Variants in TNS4 observed in about 807,000 individuals in gnomAD.
The protein encoded by TNS4 is tensin-4.
A neutral mutation model predicts 70.4 loss-of-function variants in TNS4; 46 were observed. The observed-to-expected ratio is 0.65, with a 90% CI of 0.52 to 0.84. TNS4 has a LOEUF of 0.84. Ranked by LOEUF, TNS4 falls within the 40% of genes least tolerant of loss-of-function variation. The probability of loss-of-function intolerance (pLI) is 0.00; values close to 1 mark genes in which losing one functional copy is unlikely to be tolerated. For missense variants in TNS4, 863 were observed against 907.0 expected (o/e 0.95, Z 0.62); for synonymous variants, 390 against 366.6 (o/e 1.06, Z -0.73).
chr17:40,495,400 G>A (rs903912044), intron 2 of TNS4, among the ~76,000 whole-genome samples: 3 of 152,130 alleles, frequency 2.0e-5, no homozygotes, highest in Non-Finnish European at 4.4e-5. Flanking sequence ...CTGTGGAAAT[G>A]GGCAGAAGCT....
intron 3 of TNS4, among the ~76,000 whole-genome samples, chr17:40,487,884 G>C (rs1046469770): frequency 5.3e-5 from 8 of 152,216 alleles, no homozygotes; most frequent in Non-Finnish European, 2.9e-5. Flanking sequence ...CCAGCTGCAG[G>C]AGAAGGCCAG....
At chr17:40,477,998 A>C in intron 12 of TNS4, 1 of 598,180 alleles carries the variant, frequency 1.7e-6, no homozygotes, top group Non-Finnish European at 2.9e-6. Context: ...TCCCCATTAG[A>C]GTGGAAGCTC....
chr17:40,478,748 C>T, intron 10 of TNS4, 100 bp from the exon 11 acceptor site: 2 of 1,364,282 alleles, frequency 1.5e-6, no homozygotes, highest in Non-Finnish European at 2.1e-6. Context: ...GTGCCCTGTC[C>T]TCCAAGAAGT....
intron 2 of TNS4, among the ~76,000 whole-genome samples, chr17:40,490,151 C>T (rs889148958): frequency 2.6e-5 from 4 of 152,112 alleles, no homozygotes; most frequent in African/African-American, 9.7e-5. Context: ...AGCTATGGAT[C>T]TCCTGGGGAT....
At position 40,478,592 on chromosome 17, in the gene TNS4, G is replaced by GAAC. The variant is rs1309975088; in HGVS notation, c.1966_1967insGTT (p.Pro656delinsArgSer). On this transcript the variant is annotated protein_altering_variant, in exon 11 of 13. Transcript: ENST00000254051. ...GCCTTGAACTTACTTCCGTTGCTCA[G>GAAC]GGTCCATACCACAGAAGCGGAGGGT... 3.1e-6 allele frequency: 5 copies of GAAC among 1,614,060 alleles called. No individual in the cohort carries two copies. The highest frequency in any genetic ancestry group is 4.2e-6 in the Non-Finnish European group (5 of 1,180,016).
chr17:40,493,596 A>AT (rs531062444), intron 2 of TNS4, among the ~76,000 whole-genome samples: 65 of 152,028 alleles, frequency 4.3e-4, no homozygotes, highest in South Asian at 3.5e-3. Flanking sequence ...AGAGGAAGAG[A>AT]TTTTTTTTCT....
Position 40,496,090 on chromosome 17 carries a change from C to T in TNS4, c.336G>A (p.Leu112=), listed in dbSNP as rs148092150. ...GGGGAAGCAGCTGGAAGGTGGGGTC[C>T]AGTTCCAGGATCATCTGATTGAGGC... is the stretch of plus-strand genomic sequence containing the variant. ...LESLNQMILE[L]DPTFQLLPPG... The change falls in exon 2 of 13, where the codon CTG becomes CTA. Residue 112 remains leucine, a synonymous_variant. Transcript: ENST00000254051. 73 of 1,612,598 alleles carry T rather than the reference C, an allele frequency of 4.5e-5. No homozygotes were observed. Among genetic ancestry groups the T allele is most frequent in the Non-Finnish European group, 2.2e-5 (26 of 1,179,490 alleles).
At chr17:40,485,125 A>T in intron 4 of TNS4, 118 bp from the exon 5 acceptor site, 1 of 794,684 alleles carries the variant, frequency 1.3e-6, no homozygotes, top group Non-Finnish European at 2.0e-6. Flanking sequence ...TCATTCAACC[A>T]CCATCCCAGA....
At chr17:40,500,588 T>C (rs748658098) in intron 1 of TNS4, among the ~76,000 whole-genome samples, 7 of 152,146 alleles carry the variant, frequency 4.6e-5, no homozygotes, top group Non-Finnish European at 1.0e-4. Flanking sequence ...TCCCAAGGAC[T>C]CTGGGGAGTC....
At chr17:40,495,481 T>C (rs2036130125) in intron 2 of TNS4, among the ~76,000 whole-genome samples, 1 of 152,164 alleles carries the variant, frequency 6.6e-6, no homozygotes, top group Admixed American at 6.5e-5. Flanking sequence ...ATACCACTGC[T>C]TGAACACTAC....
At chr17:40,480,607 C>A (rs1447084249) in intron 9 of TNS4, 93 bp downstream of exon 9, 1 of 1,218,316 alleles carries the variant, frequency 8.2e-7, no homozygotes, top group Non-Finnish European at 1.1e-6. Context: ...TGTGCCTGTG[C>A]GTGTGTGCGT....
chr17:40,498,453 C>G (rs1402159650), intron 1 of TNS4, among the ~76,000 whole-genome samples: 4 of 152,206 alleles, frequency 2.6e-5, no homozygotes, highest in Non-Finnish European at 5.9e-5. Flanking sequence ...ATAGTAGCTT[C>G]CATTTATTGA....
intron 4 of TNS4, among the ~76,000 whole-genome samples, chr17:40,485,351 C>G (rs185752859): frequency 2.8e-4 from 43 of 152,368 alleles, no homozygotes; most frequent in African/African-American, 1.0e-3. Flanking sequence ...ACAAGGAATT[C>G]TCAAATGCAT....
At chr17:40,479,992 T>A in intron 9 of TNS4, 150 bp from the exon 10 acceptor site, 2 of 1,017,854 alleles carry the variant, frequency 2.0e-6, no homozygotes, top group African/African-American at 1.6e-5. Flanking sequence ...GGTGTGTGGG[T>A]GATCACAGTT....
At chr17:40,489,505 G>A (rs1806208836) in intron 2 of TNS4, among the ~76,000 whole-genome samples, 1 of 152,128 alleles carries the variant, frequency 6.6e-6, no homozygotes, top group Admixed American at 6.6e-5. Flanking sequence ...TACTCAGGAT[G>A]TGTGAAAGTG....
rs778068010 is a variant in TNS4 at position 40,496,219 on chromosome 17, G to A, written c.207C>T (p.Ala69=). ...CMGPPGRLQQ[A]PQVEAKATCF... ...AGGTGGCTTTGGCCTCCACCTGTGG[G>A]GCTTGCTGGAGTCGGCCAGGGGGCC... Residue 69 remains alanine (A), a synonymous_variant, in exon 2 of 13, where the codon GCC becomes GCT. Coordinates refer to ENST00000254051, the MANE Select transcript of TNS4 (RefSeq NM_032865.6). 6.3e-7 allele frequency: 1 copy of A among 1,599,546 alleles called. No individual in the cohort carries two copies. The highest frequency in any genetic ancestry group is 1.3e-5 in the African/African-American group (1 of 74,532).
chr17:40,484,280 G>A (rs1234907027), intron 6 of TNS4, among the ~76,000 whole-genome samples: 3 of 152,154 alleles, frequency 2.0e-5, no homozygotes, highest in Admixed American at 1.3e-4. Context: ...GCAGAAGCAC[G>A]CAGGCTTGCT....
At chr17:40,500,446 C>T (rs2036197235) in intron 1 of TNS4, among the ~76,000 whole-genome samples, 1 of 152,164 alleles carries the variant, frequency 6.6e-6, no homozygotes, top group African/African-American at 2.4e-5. Context: ...GGGGAGAGTC[C>T]CTGGGCCCGG....
chr17:40,482,259 C>T, intron 7 of TNS4, 53 bp from the exon 8 acceptor site: 3 of 1,613,880 alleles, frequency 1.9e-6, no homozygotes, highest in Non-Finnish European at 2.5e-6. Flanking sequence ...ACCCACCCCT[C>T]AGCTCACAAC....
Sources: gnomAD v4.1 joint callset for allele counts (sites outside exome capture counted in the v4.1 genomes callset) on GRCh38, gnomAD v4.1.1 for gene constraint, MANE v1.5 for transcripts, NCBI Gene and HGNC (gene_info 2026-07-23, HGNC 2026-07-21) for gene names.